CBR4: variants seen among roughly 807,000 people sequenced by gnomAD.
CBR4 encodes the protein 3-oxoacyl-[acyl-carrier-protein] reductase.
A neutral mutation model predicts 21.0 loss-of-function variants in CBR4; 22 were observed. The ratio of observed to expected loss-of-function variants is 1.05; its 90% CI spans 0.75 to 1.50. CBR4 has a LOEUF of 1.50. CBR4 is among the 40% of genes most tolerant of loss of function. The pLI is 0.00. For missense variants in CBR4, 302 were observed against 286.3 expected (o/e 1.05, Z -0.40); for synonymous variants, 100 against 104.4 (o/e 0.96, Z 0.26).
At chr4:168,931,110 A>G (rs1296281290) in intron 2 of CBR4, among the ~76,000 whole-genome samples, 1 of 152,178 alleles carries the variant, frequency 6.6e-6, no homozygotes, top group Non-Finnish European at 1.5e-5. Flanking sequence ...AGGAAAACCA[A>G]CCATCATTGC....
intron 4 of CBR4, among the ~76,000 whole-genome samples, chr4:168,995,849 C>T (rs187984030): frequency 6.6e-6 from 1 of 152,256 alleles, no homozygotes; most frequent in East Asian, 1.9e-4. Flanking sequence ...TAAAGGCTAA[C>T]ATCTTGAAGC....
chr4:169,008,755 G>GT, intron 1 of CBR4, among the ~76,000 whole-genome samples: 1 of 152,158 alleles, frequency 6.6e-6, no homozygotes, highest in Non-Finnish European at 1.5e-5. Flanking sequence ...GGGTGACACA[G>GT]TAAGGGTCAC....
intron 4 of CBR4, among the ~76,000 whole-genome samples, chr4:168,994,064 T>C (rs1765058793): frequency 1.3e-5 from 2 of 152,098 alleles, no homozygotes; most frequent in African/African-American, 4.8e-5. Flanking sequence ...GAGTGGGAAA[T>C]CAGGGGTCTC....
chr4:168,931,991 A>G (rs1014688861), intron 2 of CBR4, among the ~76,000 whole-genome samples: 19 of 152,028 alleles, frequency 1.2e-4, no homozygotes, highest in African/African-American at 4.6e-4. Flanking sequence ...TGACTGTTCT[A>G]CCAGATGCAT....
At position 168,903,831 on chromosome 4, in the gene CBR4, G is replaced by T; in HGVS notation, n.170-9066C>A. ...ACACCATTCAAAGAGATCTCGATGG[G>T]ACCTGCTCCCTCCATACCACAGCCT... On this transcript the variant is annotated intron_variant and non_coding_transcript_variant, in intron 2 of 3. Transcript: ENST00000509108. 6 of 1,612,866 alleles carry T rather than the reference G, an allele frequency of 3.7e-6. No homozygotes were observed. Among genetic ancestry groups the T allele is most frequent in the Non-Finnish European group, 5.1e-6 (6 of 1,178,928 alleles).
At chr4:168,998,537 G>A (rs1765313030) in intron 4 of CBR4, among the ~76,000 whole-genome samples, 1 of 152,140 alleles carries the variant, frequency 6.6e-6, no homozygotes, top group South Asian at 2.1e-4. Flanking sequence ...AAGAAATAGG[G>A]AATGAATGTT....
chr4:168,932,070 A>G (rs554790340), intron 2 of CBR4, among the ~76,000 whole-genome samples: 1 of 152,320 alleles, frequency 6.6e-6, no homozygotes, highest in East Asian at 1.9e-4. Flanking sequence ...AAAAGAACAC[A>G]ATAATGCTCC....
intron 2 of CBR4, among the ~76,000 whole-genome samples, chr4:168,905,748 T>C (rs1018647357): frequency 6.6e-6 from 1 of 151,740 alleles, no homozygotes; most frequent in Non-Finnish European, 1.5e-5. Context: ...GTGTTCATAT[T>C]TGATATATAT....
intron 2 of CBR4, among the ~76,000 whole-genome samples, chr4:168,916,430 CT>C (rs1301405155): frequency 4.0e-5 from 6 of 151,808 alleles, no homozygotes; most frequent in African/African-American, 1.5e-4. Flanking sequence ...ATGATTCTAG[CT>C]TAAGGGGGGG....
intron 2 of CBR4, among the ~76,000 whole-genome samples, chr4:168,972,017 T>G (rs150324094): frequency 1.7e-3 from 253 of 152,352 alleles, no homozygotes; most frequent in African/African-American, 5.8e-3. Flanking sequence ...GCTTGCCAAT[T>G]ATCTCAGCAC....
chr4:169,005,805 T>C, intron 3 of CBR4: 1 of 1,019,030 alleles, frequency 9.8e-7, no homozygotes, highest in South Asian at 1.3e-5. Context: ...TTCTTTCCTT[T>C]TCTCACTTTC....
chr4:168,936,238 A>G (rs1419678765), intron 2 of CBR4, among the ~76,000 whole-genome samples: 1 of 152,242 alleles, frequency 6.6e-6, no homozygotes, highest in Non-Finnish European at 1.5e-5. Flanking sequence ...TAGATTCAAC[A>G]TCAACAAAAA....
chr4:168,897,966 T>A (rs1581989060), intron 2 of CBR4: 1 of 111,606 alleles, frequency 9.0e-6, no homozygotes, highest in African/African-American at 3.4e-5. Context: ...AAAACAAACA[T>A]TTTTTTTTTT....
chr4:168,955,748 C>G (rs1763665633), intron 2 of CBR4, among the ~76,000 whole-genome samples: 1 of 152,156 alleles, frequency 6.6e-6, no homozygotes, highest in South Asian at 2.1e-4. Context: ...ACATCAAGTG[C>G]ATATGTCAAG....
intron 2 of CBR4, among the ~76,000 whole-genome samples, chr4:168,944,184 C>A (rs1302772664): frequency 6.6e-6 from 1 of 152,042 alleles, no homozygotes; most frequent in Non-Finnish European, 1.5e-5. Flanking sequence ...GTGGTTCACA[C>A]CTGTAATCCT....
At chr4:169,000,958 A>C (rs1457307848) in intron 4 of CBR4, among the ~76,000 whole-genome samples, 1 of 152,082 alleles carries the variant, frequency 6.6e-6, no homozygotes, top group Non-Finnish European at 1.5e-5. Context: ...GATATAAAGA[A>C]AATCTAAAAA....
intron 2 of CBR4, among the ~76,000 whole-genome samples, chr4:168,951,373 G>A (rs1359764234): frequency 6.6e-6 from 1 of 152,190 alleles, no homozygotes; most frequent in Non-Finnish European, 1.5e-5. Flanking sequence ...TATCTTTTAA[G>A]TGGATCATTT....
At chr4:168,983,199 T>C (rs936487669), downstream of CBR4, among the ~76,000 whole-genome samples, 2 of 151,632 alleles carry the variant, frequency 1.3e-5, no homozygotes, top group Admixed American at 6.6e-5. Flanking sequence ...AGGGACAAGA[T>C]CCAAAGAAAC....
At position 168,902,261 on chromosome 4, in the gene CBR4, T is replaced by C. The variant is rs536004472; in HGVS notation, n.170-7496A>G. Reference sequence around the variant, plus strand: ...AAGGGTCTAAAGTATATTTGTTTTGTTAGGAATCAGGAATACTTTTGGCTG... The same window carrying C: ...AAGGGTCTAAAGTATATTTGTTTTGCTAGGAATCAGGAATACTTTTGGCTG... On this transcript the variant is annotated intron_variant and non_coding_transcript_variant, in intron 2 of 3. Transcript: ENST00000509108. Among the ~76,000 whole-genome samples the C allele has an allele frequency of 7.9e-5, 12 of 152,300 alleles. No individual in the cohort carries two copies. In the South Asian group the frequency reaches 2.1e-3, roughly 26 times the overall value.
Sources: gnomAD v4.1 joint callset for allele counts (sites outside exome capture counted in the v4.1 genomes callset) on GRCh38, gnomAD v4.1.1 for gene constraint, MANE v1.5 for transcripts, NCBI Gene and HGNC (gene_info 2026-07-23, HGNC 2026-07-21) for gene names.